ZNF737: variants seen among roughly 807,000 people sequenced by gnomAD.
ZNF737 encodes the protein zinc finger protein 737, also known as zinc finger protein 102 (Y3).
ZNF737 carries 13 observed loss-of-function variants against 11.7 expected under a neutral mutation model. That is an observed-to-expected ratio of 1.11 (90% CI 0.73 to 1.77). ZNF737 has a LOEUF of 1.77. ZNF737 is among the 40% of genes most tolerant of loss of function. The pLI, the probability that ZNF737 is intolerant of heterozygous loss-of-function variation, is 0.00. For missense variants in ZNF737, 636 were observed against 638.0 expected (o/e 1.00, Z 0.03); for synonymous variants, 217 against 216.2 (o/e 1.00, Z -0.03).
chr19:20,537,634 A>C (rs534493808), downstream of ZNF737, among the ~76,000 whole-genome samples: 1,656 of 140,936 alleles, frequency 0.012, 10 homozygotes, highest in Non-Finnish European at 0.018. Flanking sequence ...CTTCTGCCTC[A>C]GCCTCCCAAG....
rs1411854893 is a variant in ZNF737 at position 20,543,947 on chromosome 19, G to A, written c.*645C>T. On this transcript the variant is annotated 3_prime_UTR_variant, in exon 4 of 4. Coordinates refer to ENST00000427401, the MANE Select transcript of ZNF737 (RefSeq NM_001159293.2). The stretch of plus-strand genomic sequence containing the variant: ...GTTCGAGACCAGCCTGGCAAACATG[G>A]CGAAGTCGCATCTCTACTAAAAATA... 1.3e-5 allele frequency: 9 copies of A among 711,808 alleles called. No individual in the cohort carries two copies. Among genetic ancestry groups the A allele is most frequent in the Non-Finnish European group, 1.4e-5 (8 of 581,062 alleles). 44.1% of individuals were successfully genotyped at this position (711,808 alleles called of 1,614,324 possible).
Position 20,538,142 on chromosome 19 carries a change from C to T in ZNF737, c.*6450G>A, listed in dbSNP as rs545524319. On this transcript the variant is annotated 3_prime_UTR_variant, in exon 4 of 4. Coordinates refer to ENST00000427401, the MANE Select transcript of ZNF737 (RefSeq NM_001159293.2). ...TTTTCTACCTAATTATGAATAGTAA[C>T]TTCTCTTAGAAGCAAAGTTTATTCA... is the stretch of plus-strand genomic sequence containing the variant. 813 of 482,454 alleles carry T rather than the reference C, an allele frequency of 1.7e-3. 1 individual carries two copies. The highest frequency in any genetic ancestry group is 2.0e-3 in the Non-Finnish European group (746 of 370,336). The allele number at this position is 482,454 out of a possible 1,614,324, so 29.9% of individuals were successfully genotyped here.
Position 20,563,722 on chromosome 19 carries a change from G to A in ZNF737, c.3+1916C>T, listed in dbSNP as rs183329376. Among the ~76,000 whole-genome samples, 46 of 152,154 alleles carry A rather than the reference G, an allele frequency of 3.0e-4. No individual in the cohort carries two copies. The East Asian group carries it at 8.7e-3, about 29-fold the overall frequency. ...GCTGGTCTCAAACTCCTGACCTCAAGTGATCCACTCACCTCGGCCTCCCAA... is the reference window on the plus strand; with the variant it reads ...GCTGGTCTCAAACTCCTGACCTCAAATGATCCACTCACCTCGGCCTCCCAA... On this transcript the variant is annotated intron_variant, in intron 1 of 3. Transcript: ENST00000427401.
In ZNF737 at chr19:20,541,841, A is replaced by G. The variant is rs1599399756; in HGVS notation, c.*2751T>C. The G allele has an allele frequency of 5.6e-6, 1 of 177,068 alleles. No homozygotes were observed. Among genetic ancestry groups the G allele is most frequent in the Non-Finnish European group, 1.1e-5 (1 of 90,702 alleles). The allele number at this position is 177,068 out of a possible 1,614,324, so 11.0% of individuals were successfully genotyped here. A position where few individuals can be genotyped will look rare whatever the true frequency, so the allele number is the denominator to read the frequency against. The stretch of plus-strand genomic sequence containing the variant: ...AAAGCATATAATTACACTATTGGTA[A>G]TACAAAAGATAAATGCTAGAGGTGA... On this transcript the variant is annotated 3_prime_UTR_variant, in exon 4 of 4. Coordinates refer to ENST00000427401, the MANE Select transcript of ZNF737 (RefSeq NM_001159293.2).
Position 20,539,395 on chromosome 19 carries a change from TC to T in ZNF737, c.*5196del, listed in dbSNP as rs1350784917. On this transcript the variant is annotated 3_prime_UTR_variant, in exon 4 of 4. Transcript: ENST00000427401. ...AGCCAGGATTTCAGATTTCAAAAGG[TC>T]AAAAACAATCATTGAGCAAAGCTTA... The T allele has an allele frequency of 4.1e-6, 4 of 985,296 alleles. No homozygotes were observed. The African/African-American group carries it at 7.0e-5, about 17-fold the overall frequency. The allele number at this position is 985,296 out of a possible 1,614,324, so 61.0% of individuals were successfully genotyped here. A position where few individuals can be genotyped will look rare whatever the true frequency, so the allele number is the denominator to read the frequency against.
chr19:20,535,225 C>T (rs1175252654), downstream of ZNF737, among the ~76,000 whole-genome samples: 1 of 152,082 alleles, frequency 6.6e-6, no homozygotes, highest in African/African-American at 2.4e-5. Context: ...TTGCAGTGAG[C>T]TGAGATTGTA....
At chr19:20,562,791 C>T (rs1251127238) in intron 1 of ZNF737, among the ~76,000 whole-genome samples, 2 of 152,076 alleles carry the variant, frequency 1.3e-5, no homozygotes, top group African/African-American at 4.8e-5. Context: ...TCTTCTTAAG[C>T]TTATCTCCCT....
Position 20,540,428 on chromosome 19 carries a change from T to TTATC in ZNF737, c.*4160_*4163dup, listed in dbSNP as rs1968154907. ...TGCAACAGACTGGTAATCCAGGGTA[T>TTATC]TATCTTAGAATGTTGCCTACCCACC... On this transcript the variant is annotated 3_prime_UTR_variant, in exon 4 of 4. Coordinates refer to ENST00000427401, the MANE Select transcript of ZNF737 (RefSeq NM_001159293.2). Among the ~76,000 whole-genome samples the TTATC allele has an allele frequency of 6.6e-6, 1 of 152,114 alleles. No individual in the cohort carries two copies. The highest frequency in any genetic ancestry group is 1.5e-5 in the Non-Finnish European group (1 of 68,016).
chr19:20,561,796 T>C (rs1555762520), intron 1 of ZNF737, among the ~76,000 whole-genome samples: 1 of 151,880 alleles, frequency 6.6e-6, no homozygotes, highest in Non-Finnish European at 1.5e-5. Context: ...GGCTTATCTA[T>C]GCTTCTGAGC....
downstream of ZNF737, chr19:20,536,003 G>A (rs1599388674): frequency 1.2e-6 from 1 of 850,286 alleles, no homozygotes; most frequent in East Asian, 1.2e-4. Flanking sequence ...ACATTTTCCT[G>A]TTCTTCAGCC....
At chr19:20,561,680 G>GTC (rs1969102569) in intron 1 of ZNF737, among the ~76,000 whole-genome samples, 2 of 151,394 alleles carry the variant, frequency 1.3e-5, no homozygotes, top group African/African-American at 4.9e-5. Flanking sequence ...CCAACTCATT[G>GTC]TCTAACATTT....
chr19:20,554,957 T>TGTTCAAGTGGGTCTCCTGC (rs142951745), intron 1 of ZNF737, among the ~76,000 whole-genome samples: 35,207 of 149,164 alleles, frequency 0.24, 4,228 homozygotes, highest in South Asian at 0.32. Context: ...CCGCCTCCTG[T>TGTTCAAGTGGGTCTCCTGC]GTTCAAGTGG....
In ZNF737 at chr19:20,553,145, T is replaced by C. The variant is rs185370633; in HGVS notation, c.130+564A>G. 3.9e-5 allele frequency among the ~76,000 whole-genome samples: 6 copies of C among 152,236 alleles called. No individual in the cohort carries two copies. In the East Asian group the frequency reaches 1.2e-3, roughly 29 times the overall value. On this transcript the variant is annotated intron_variant, in intron 2 of 3. Transcript: ENST00000427401. ...GATTTTCAGGTGGAAGCTACAATAG[T>C]TTATGTCAGTAAATTTCTGGAATTA... is the stretch of plus-strand genomic sequence containing the variant.
rs947139966 is a variant in ZNF737 at position 20,541,117 on chromosome 19, A to G, written c.*3475T>C. ...CGAATCACAGGCCAGAACATTTTAT[A>G]TTAATAAATTCAATACAAAGCAGAA... On this transcript the variant is annotated 3_prime_UTR_variant, in exon 4 of 4. Transcript: ENST00000427401. The G allele has an allele frequency of 1.9e-4, 185 of 983,412 alleles. No individual in the cohort carries two copies. The highest frequency in any genetic ancestry group is 2.1e-4 in the Non-Finnish European group (176 of 828,212). The allele number at this position is 983,412 out of a possible 1,614,324, so 60.9% of individuals were successfully genotyped here.
intron 1 of ZNF737, among the ~76,000 whole-genome samples, chr19:20,561,404 T>G (rs1555762422): frequency 1.3e-5 from 2 of 152,028 alleles, no homozygotes; most frequent in Non-Finnish European, 2.9e-5. Flanking sequence ...GTGTGTGTGT[T>G]TGTGAGTGGG....
chr19:20,534,171 G>A (rs1199421056), downstream of ZNF737, among the ~76,000 whole-genome samples: 2 of 150,166 alleles, frequency 1.3e-5, no homozygotes, highest in South Asian at 4.3e-4. Context: ...AGCTGGGCCG[G>A]TGGCTCATGT....
At position 20,539,761 on chromosome 19, in the gene ZNF737, G is replaced by A. The variant is rs1968124824; in HGVS notation, c.*4831C>T. 1 of 985,294 alleles carries A rather than the reference G, an allele frequency of 1.0e-6. No homozygotes were observed. The highest frequency in any genetic ancestry group is 1.7e-5 in the African/African-American group (1 of 57,316). 61.0% of individuals were successfully genotyped at this position (985,294 alleles called of 1,614,324 possible). ...CTTTTTGAAGTAAGTTCAATTTTAG[G>A]ACATTACCCACTGGTCTTCATGGCA... On this transcript the variant is annotated 3_prime_UTR_variant, in exon 4 of 4. Transcript: ENST00000427401.
In ZNF737 at chr19:20,545,726, AT is replaced by A. The variant is rs1555756846; in HGVS notation, c.476del (p.Asn159IlefsTer7). The A allele has an allele frequency of 1.2e-6, 2 of 1,613,018 alleles. No individual in the cohort carries two copies. ...KYVKVIHKFS[N>X]SNRHKIRHTG... ...TATGTCTTATCTTATGTCTGTTTGAATTTGAAAATTTATGAATGACTTTCAC... is the reference window on the plus strand; with the variant it reads ...TATGTCTTATCTTATGTCTGTTTGAATTGAAAATTTATGAATGACTTTCAC... On this transcript the variant is annotated frameshift_variant, in exon 4 of 4. Coordinates refer to ENST00000427401, the MANE Select transcript of ZNF737 (RefSeq NM_001159293.2). LOFTEE classifies it low-confidence loss of function (END_TRUNC).
At position 20,541,512 on chromosome 19, in the gene ZNF737, T is replaced by G. The variant is rs1968205648; in HGVS notation, c.*3080A>C. 1 of 614,750 alleles carries G rather than the reference T, an allele frequency of 1.6e-6. No individual in the cohort carries two copies. Among genetic ancestry groups the G allele is most frequent in the African/African-American group, 2.0e-5 (1 of 49,876 alleles). 38.1% of individuals were successfully genotyped at this position (614,750 alleles called of 1,614,324 possible). On this transcript the variant is annotated 3_prime_UTR_variant, in exon 4 of 4. Coordinates refer to ENST00000427401, the MANE Select transcript of ZNF737 (RefSeq NM_001159293.2). Reference sequence around the variant, plus strand: ...GCCAGGCTGGAGTGCAGTGGCATGATCTCAGCTCACTGCAACCTCTGCCTC... The same window carrying G: ...GCCAGGCTGGAGTGCAGTGGCATGAGCTCAGCTCACTGCAACCTCTGCCTC...
Sources: allele counts gnomAD v4.1 joint callset (sites outside exome capture counted in the v4.1 genomes callset), GRCh38; gene constraint gnomAD v4.1.1; transcripts MANE v1.5; gene names NCBI Gene and HGNC (gene_info 2026-07-23, HGNC 2026-07-21).